The following PARD6G variants were observed in gnomAD, a reference collection of about 807,000 sequenced individuals.
The protein encoded by PARD6G is par-6 family cell polarity regulator gamma.
In PARD6G, 7 loss-of-function variants were observed where a neutral mutation model predicts 10.7. The ratio of observed to expected loss-of-function variants is 0.66; its 90% CI spans 0.37 to 1.23. PARD6G has a LOEUF of 1.23. Ranked by LOEUF, PARD6G falls within the 50% of genes most tolerant of loss-of-function variation. The probability of loss-of-function intolerance (pLI) is 0.02; values close to 1 mark genes in which losing one functional copy is unlikely to be tolerated. For missense variants in PARD6G, 548 were observed against 571.8 expected (o/e 0.96, Z 0.42); for synonymous variants, 287 against 269.4 (o/e 1.07, Z -0.64).
At chr18:80,210,622 A>G (rs944100628) in intron 1 of PARD6G, among the ~76,000 whole-genome samples, 1 of 152,212 alleles carries the variant, frequency 6.6e-6, no homozygotes, top group Admixed American at 6.5e-5. Flanking sequence ...GCTGTTTAAC[A>G]TTTAAAGCTA....
At chr18:80,218,677 C>T (rs566900001) in intron 1 of PARD6G, among the ~76,000 whole-genome samples, 5 of 152,336 alleles carry the variant, frequency 3.3e-5, no homozygotes, top group African/African-American at 1.2e-4. Context: ...CTCCACTAGG[C>T]AGTGCTCCAG....
chr18:80,221,310 C>T (rs2145294345), intron 1 of PARD6G, among the ~76,000 whole-genome samples: 1 of 152,266 alleles, frequency 6.6e-6, no homozygotes, highest in African/African-American at 2.4e-5. Context: ...CAAAAATCCT[C>T]AAGAGAATAC....
At chr18:80,202,592 C>A (rs1967017588) in intron 2 of PARD6G, 118 bp downstream of exon 2, 2 of 729,780 alleles carry the variant, frequency 2.7e-6, no homozygotes, top group Non-Finnish European at 4.5e-6. Context: ...TTTCTTTAAT[C>A]TCCTACTACA....
Position 80,201,229 on chromosome 18 carries a change from G to C in PARD6G, c.295+1481C>G, listed in dbSNP as rs1315498978. On this transcript the variant is annotated intron_variant, in intron 2 of 2. Coordinates refer to ENST00000353265, the MANE Select transcript of PARD6G (RefSeq NM_032510.4). The surrounding 1 kb of genome is among the most constrained non-coding windows in gnomAD (Gnocchi z 5.9). ...TCATCAGATCAAGCAGCTGAGACCAGGCCTTCCTGAGAAGGCAGCCTGTGA... is the reference window on the plus strand; with the variant it reads ...TCATCAGATCAAGCAGCTGAGACCACGCCTTCCTGAGAAGGCAGCCTGTGA... Among the ~76,000 whole-genome samples, 1 of 152,132 alleles carries C rather than the reference G, an allele frequency of 6.6e-6. No individual in the cohort carries two copies. Among genetic ancestry groups the C allele is most frequent in the Non-Finnish European group, 1.5e-5 (1 of 68,012 alleles).
At chr18:80,185,229 C>G (rs902538754) in intron 2 of PARD6G, among the ~76,000 whole-genome samples, 12 of 152,272 alleles carry the variant, frequency 7.9e-5, no homozygotes, top group African/African-American at 2.9e-4. Context: ...GTGTGATGTG[C>G]CTCGCTGGGA....
chr18:80,240,713 G>A (rs770393399), intron 1 of PARD6G, among the ~76,000 whole-genome samples: 28 of 152,196 alleles, frequency 1.8e-4, no homozygotes, highest in Non-Finnish European at 3.4e-4. Flanking sequence ...AGCAATTTCA[G>A]GGGAGACTCA....
intron 2 of PARD6G, among the ~76,000 whole-genome samples, chr18:80,198,425 T>C (rs1966977827): frequency 2.0e-5 from 3 of 152,242 alleles, no homozygotes; most frequent in Admixed American, 2.0e-4. Context: ...AATAACAATA[T>C]GTACCGTTGT....
chr18:80,186,556 A>G (rs566415093), intron 2 of PARD6G, among the ~76,000 whole-genome samples: 2 of 151,848 alleles, frequency 1.3e-5, no homozygotes, highest in African/African-American at 2.4e-5. Context: ...CCTCACACAC[A>G]TGCACACACA....
At position 80,180,982 on chromosome 18, in the gene PARD6G, A is replaced by G. The variant is rs2052845702; in HGVS notation, c.296-20376T>C. Among the ~76,000 whole-genome samples, 1 of 152,220 alleles carries G rather than the reference A, an allele frequency of 6.6e-6. No individual in the cohort carries two copies. The highest frequency in any genetic ancestry group is 2.1e-4 in the South Asian group (1 of 4,834). On this transcript the variant is annotated intron_variant, in intron 2 of 2. Coordinates refer to ENST00000353265, the MANE Select transcript of PARD6G (RefSeq NM_032510.4). This position sits in a 1 kb window ranked among gnomAD's most constrained non-coding sequence, Gnocchi z 5.6. ...CCAGCGCAGAACGTCAGCAGTGCTGAGGGTAAGAACCCGGCCTCACACGCA... is the reference window on the plus strand; with the variant it reads ...CCAGCGCAGAACGTCAGCAGTGCTGGGGGTAAGAACCCGGCCTCACACGCA...
At chr18:80,171,410 C>G (rs556030725) in intron 2 of PARD6G, 4 of 152,418 alleles carry the variant, frequency 2.6e-5, no homozygotes, top group African/African-American at 9.6e-5. Flanking sequence ...GCAGGGGGCG[C>G]CACAGCAGCG....
In PARD6G at chr18:80,243,704, C is replaced by T. The variant is rs147149340; in HGVS notation, c.72+3573G>A. ...CCAGAAACACCAAGAAGGGGTCGGA[C>T]AGAGAAAGTTTGTTCTGGCACAGGC... On this transcript the variant is annotated intron_variant, in intron 1 of 2. Coordinates refer to ENST00000353265, the MANE Select transcript of PARD6G (RefSeq NM_032510.4). Among the ~76,000 whole-genome samples the T allele has an allele frequency of 3.0e-3, 458 of 152,132 alleles. 1 individual carries two copies. Among genetic ancestry groups the T allele is most frequent in the African/African-American group, 0.01 (427 of 41,490 alleles).
intron 1 of PARD6G, among the ~76,000 whole-genome samples, chr18:80,203,522 T>C (rs1031232217): frequency 1.3e-5 from 2 of 152,108 alleles, no homozygotes; most frequent in African/African-American, 2.4e-5. Context: ...GAGGACAGGA[T>C]AGGACGGGCT....
chr18:80,244,646 T>C (rs112051654), intron 1 of PARD6G, among the ~76,000 whole-genome samples: 1 of 152,126 alleles, frequency 6.6e-6, no homozygotes, highest in African/African-American at 2.4e-5. Flanking sequence ...ATTTTACAGA[T>C]GAAATAACCG....
chr18:80,179,212 T>A (rs2052834379), intron 2 of PARD6G, among the ~76,000 whole-genome samples: 1 of 146,588 alleles, frequency 6.8e-6, no homozygotes, highest in African/African-American at 2.5e-5. Flanking sequence ...GCCTGAGGGT[T>A]GGCTGCAGTC....
intron 1 of PARD6G, among the ~76,000 whole-genome samples, chr18:80,203,297 C>T (rs1230104352): frequency 2.0e-5 from 3 of 152,108 alleles, no homozygotes; most frequent in Non-Finnish European, 4.4e-5. Flanking sequence ...TTTATTAATT[C>T]TCCACAAGGG....
rs56354609 is a variant in PARD6G at position 80,175,614 on chromosome 18, G to A, written c.296-15008C>T. Among the ~76,000 whole-genome samples the A allele has an allele frequency of 0.26, 39,079 of 152,150 alleles. 6,590 individuals carry two copies. The highest frequency in any genetic ancestry group is 0.39 in the Non-Finnish European group (26,225 of 67,976). The stretch of plus-strand genomic sequence containing the variant: ...GTGACGTATCGATTCAGTGCACTAC[G>A]CACACTGTTCCGTAATTGTTCTCTT... On this transcript the variant is annotated intron_variant, in intron 2 of 2. Transcript: ENST00000353265. This position sits in a 1 kb window ranked among gnomAD's most constrained non-coding sequence, Gnocchi z 6.7.
At chr18:80,237,224 A>G (rs1052741002) in intron 1 of PARD6G, among the ~76,000 whole-genome samples, 1 of 152,194 alleles carries the variant, frequency 6.6e-6, no homozygotes, top group African/African-American at 2.4e-5. Flanking sequence ...GATCTTTGAC[A>G]AACCTGACAA....
At position 80,202,849 on chromosome 18, in the gene PARD6G, G is replaced by A. The variant is rs775470062; in HGVS notation, c.156C>T (p.Thr52=). 3.4e-5 allele frequency: 55 copies of A among 1,611,008 alleles called. No individual in the cohort carries two copies. The highest frequency in any genetic ancestry group is 4.7e-5 in the Non-Finnish European group (55 of 1,178,900). Residue 52 remains threonine (T), a synonymous_variant, in exon 2 of 3, where the codon ACC becomes ACT. Coordinates refer to ENST00000353265, the MANE Select transcript of PARD6G (RefSeq NM_032510.4). ...TTACATCACTGTTGGAGATATGGTGGGTGTGCACAACCAGCTTGTAGAAAT... is the reference window on the plus strand; with the variant it reads ...TTACATCACTGTTGGAGATATGGTGAGTGTGCACAACCAGCTTGTAGAAAT... ...FEDFYKLVVH[T]HHISNSDVTI...
chr18:80,247,315 G>A lies in PARD6G; in HGVS notation c.34C>T (p.Arg12Ter). The A allele has an allele frequency of 1.9e-6, 3 of 1,584,968 alleles. No individual in the cohort carries two copies. Among genetic ancestry groups the A allele is most frequent in the Non-Finnish European group, 1.7e-6 (2 of 1,166,528 alleles). Residue 12 changes from arginine to a stop codon, truncating the protein, a stop_gained, in exon 1 of 3, where the codon CGA (arginine) becomes TGA (stop). Transcript: ENST00000353265. LOFTEE classifies it high-confidence loss of function. This position sits in a 1 kb window ranked among gnomAD's most constrained non-coding sequence, Gnocchi z 4.2. ...TCCACTGCGCTGCAATCGTAGAATC[G>A]CAAGGTCTGAGACTTGTGAAAACTT... ...NRSFHKSQTL[R>*]FYDCSAVEVK...
Sources: gnomAD v4.1 joint callset for allele counts (sites outside exome capture counted in the v4.1 genomes callset) on GRCh38, gnomAD v4.1.1 for gene constraint, Gnocchi (gnomAD v3.1) non-coding constraint, MANE v1.5 for transcripts, NCBI Gene and HGNC (gene_info 2026-07-23, HGNC 2026-07-21) for gene names.